CDH13: variants seen among roughly 807,000 people sequenced by gnomAD.
The protein encoded by CDH13 is cadherin-13.
A neutral mutation model predicts 63.8 loss-of-function variants in CDH13; 24 were observed. That is an observed-to-expected ratio of 0.38 (90% CI 0.27 to 0.53). The LOEUF is 0.53. Ranked by LOEUF, CDH13 falls within the 20% of genes least tolerant of loss-of-function variation. The probability of loss-of-function intolerance (pLI) is 0.85; values close to 1 mark genes in which losing one functional copy is unlikely to be tolerated. For missense variants in CDH13, 1,049 were observed against 903.1 expected (o/e 1.16, Z -2.07); for synonymous variants, 503 against 355.3 (o/e 1.42, Z -4.67).
At chr16:83,562,284 A>G (rs1567765893) in intron 7 of CDH13, among the ~76,000 whole-genome samples, 1 of 152,178 alleles carries the variant, frequency 6.6e-6, no homozygotes, top group Non-Finnish European at 1.5e-5. Context: ...TCAGATAATA[A>G]GAACTTTTCA....
chr16:83,582,485 G>GA (rs1278922602), intron 7 of CDH13, among the ~76,000 whole-genome samples: 3 of 151,690 alleles, frequency 2.0e-5, no homozygotes, highest in African/African-American at 7.3e-5. Context: ...GTTTCTAGTA[G>GA]AAAAAAAAGT....
intron 3 of CDH13, among the ~76,000 whole-genome samples, chr16:83,043,983 G>A (rs942104186): frequency 1.3e-5 from 2 of 152,142 alleles, no homozygotes; most frequent in Admixed American, 6.5e-5. Flanking sequence ...ATAAGCACAA[G>A]CAGTGAATAG....
At chr16:82,917,385 A>G (rs983772150) in intron 2 of CDH13, among the ~76,000 whole-genome samples, 6 of 152,174 alleles carry the variant, frequency 3.9e-5, no homozygotes, top group African/African-American at 1.2e-4. Context: ...AAAACTTTAG[A>G]TAAGTTAATA....
chr16:82,831,082 C>T lies in CDH13; in HGVS notation c.46-27280C>T, dbSNP rs567620384. Among the ~76,000 whole-genome samples, 11 of 152,184 alleles carry T rather than the reference C, an allele frequency of 7.2e-5. No homozygotes were observed. The South Asian group carries it at 2.1e-3, about 29-fold the overall frequency. On this transcript the variant is annotated intron_variant, in intron 1 of 13. Coordinates refer to ENST00000567109, the MANE Select transcript of CDH13 (RefSeq NM_001257.5). ...AATGCGTGGTCCATGGACCAAGCAG[C>T]TTCAGCATCACCTGAGCACTTGTCA...
intron 10 of CDH13, among the ~76,000 whole-genome samples, chr16:83,682,109 A>C (rs1915456190): frequency 6.6e-6 from 1 of 152,266 alleles, no homozygotes; most frequent in Non-Finnish European, 1.5e-5. Context: ...GAATTTAAAC[A>C]AGAGACACAC....
chr16:82,833,851 C>A (rs10492862), intron 1 of CDH13, among the ~76,000 whole-genome samples: 44,672 of 151,950 alleles, frequency 0.29, 6,774 homozygotes, highest in African/African-American at 0.34. Flanking sequence ...CTGGTTGATG[C>A]GATTATAATG....
At chr16:83,789,354 T>G (rs1916104908) in intron 13 of CDH13, among the ~76,000 whole-genome samples, 1 of 140,072 alleles carries the variant, frequency 7.1e-6, no homozygotes, top group Non-Finnish European at 1.6e-5. Context: ...TTTGTTTGTC[T>G]GTTTTGTTTT....
chr16:83,628,565 G>C (rs139306126), intron 8 of CDH13, among the ~76,000 whole-genome samples: 1 of 152,188 alleles, frequency 6.6e-6, no homozygotes. Context: ...GCTGACCTGA[G>C]ACAATAGGCA....
rs577386065 is a variant in CDH13 at position 82,793,929 on chromosome 16, T to G, written c.46-64433T>G. On this transcript the variant is annotated intron_variant, in intron 1 of 13. Transcript: ENST00000567109. ...GAGTGGATTTAAGTAAGTGAGACAG[T>G]GGATCAGGAAAGGCCAGGCTTTTAC... Among the ~76,000 whole-genome samples, 3 of 151,794 alleles carry G rather than the reference T, an allele frequency of 2.0e-5. No homozygotes were observed. The South Asian group carries it at 6.3e-4, about 32-fold the overall frequency.
At chr16:83,272,460 C>T (rs964672215) in intron 5 of CDH13, among the ~76,000 whole-genome samples, 3 of 152,184 alleles carry the variant, frequency 2.0e-5, no homozygotes, top group Non-Finnish European at 4.4e-5. Flanking sequence ...CTACTTAATA[C>T]CACACGGGTA....
chr16:83,752,273 G>A (rs773893372), intron 11 of CDH13, among the ~76,000 whole-genome samples: 13 of 152,102 alleles, frequency 8.5e-5, no homozygotes, highest in Non-Finnish European at 1.3e-4. Context: ...CTAGAAATGC[G>A]GTATACTTGA....
At position 83,527,678 on chromosome 16, in the gene CDH13, C is replaced by T. The variant is rs80252868; in HGVS notation, c.960+41023C>T. The stretch of plus-strand genomic sequence containing the variant: ...ATATATACACCTGACCCAGGTGCTA[C>T]GAAAGGACCCAGTAAGCAAATGCTG... On this transcript the variant is annotated intron_variant, in intron 7 of 13. Transcript: ENST00000567109. Among the ~76,000 whole-genome samples the T allele has an allele frequency of 2.9e-3, 442 of 152,184 alleles. 6 individuals are homozygous for T. The highest frequency in any genetic ancestry group is 0.01 in the African/African-American group (420 of 41,530).
chr16:83,659,127 C>A (rs1312855634), intron 8 of CDH13, among the ~76,000 whole-genome samples: 1 of 144,444 alleles, frequency 6.9e-6, no homozygotes, highest in Non-Finnish European at 1.5e-5. Flanking sequence ...ACCACCAGGT[C>A]CCATGTCCTC....
rs34037572 is a variant in CDH13 at position 82,792,384 on chromosome 16, C to T, written c.46-65978C>T. On this transcript the variant is annotated intron_variant, in intron 1 of 13. Transcript: ENST00000567109. ...TTTGTGCGTGGGTGTGTGTGTGGGG[C>T]GTCATATATCCCTCTTAGCATCTGA... is the stretch of plus-strand genomic sequence containing the variant. 7.9e-3 allele frequency among the ~76,000 whole-genome samples: 1,194 copies of T among 152,076 alleles called. 28 individuals are homozygous for T. The highest frequency in any genetic ancestry group is 0.012 in the East Asian group (62 of 5,178).
At chr16:83,216,435 T>TAAAA (rs1203135689) in intron 4 of CDH13, among the ~76,000 whole-genome samples, 13 of 110,088 alleles carry the variant, frequency 1.2e-4, no homozygotes, top group African/African-American at 4.8e-4. Context: ...TATATATATA[T>TAAAA]ATATATATAC....
intron 1 of CDH13, among the ~76,000 whole-genome samples, chr16:82,777,098 A>G (rs563015872): frequency 6.8e-4 from 104 of 151,988 alleles, no homozygotes; most frequent in African/African-American, 2.4e-3. Flanking sequence ...GACATACACT[A>G]CCACACCTGG....
rs1393286511 is a variant in CDH13, at chr16:82,749,124, T to C, written c.46-109238T>C. Among the ~76,000 whole-genome samples, 3 of 151,416 alleles carry C rather than the reference T, an allele frequency of 2.0e-5. No homozygotes were observed. The South Asian group carries it at 6.3e-4, about 32-fold the overall frequency. On this transcript the variant is annotated intron_variant, in intron 1 of 13. Transcript: ENST00000567109. ...TTTCAAATGGACACAGTGAGTTGGA[T>C]AAAAAGCCCGACAGAGCCAAGAAAT...
chr16:83,357,274 C>T (rs1193858429), intron 6 of CDH13, among the ~76,000 whole-genome samples: 1 of 152,112 alleles, frequency 6.6e-6, no homozygotes, highest in Non-Finnish European at 1.5e-5. Context: ...TGTTGGCTCA[C>T]ACTAAAGTCA....
At chr16:83,436,372 G>A (rs1202241160) in intron 6 of CDH13, among the ~76,000 whole-genome samples, 1 of 152,140 alleles carries the variant, frequency 6.6e-6, no homozygotes, top group Non-Finnish European at 1.5e-5. Flanking sequence ...TCTAGAGGCT[G>A]GAGAGGGAGG....
Sources: allele counts gnomAD v4.1 joint callset (sites outside exome capture counted in the v4.1 genomes callset), GRCh38; gene constraint gnomAD v4.1.1; transcripts MANE v1.5; gene names NCBI Gene and HGNC (gene_info 2026-07-23, HGNC 2026-07-21).